The following SDK1 variants were observed in gnomAD, a reference collection of about 807,000 sequenced individuals.
SDK1 encodes sidekick cell adhesion molecule 1.
In SDK1, 157 loss-of-function variants were observed where a neutral mutation model predicts 245.5. The ratio of observed to expected loss-of-function variants is 0.64; its 90% CI spans 0.56 to 0.73. SDK1 has a LOEUF of 0.73. SDK1 is among the 30% of genes least tolerant of loss of function. SDK1 has a pLI of 0.00. For missense variants in SDK1, 3,583 were observed against 3,002.3 expected, an observed-to-expected ratio of 1.19 and a Z score of -4.52; for synonymous variants, 1,647 against 1,278.5, an observed-to-expected ratio of 1.29 and a Z score of -6.15.
chr7:4,057,936 T>C (rs1000104695), intron 19 of SDK1, among the ~76,000 whole-genome samples: 6 of 152,088 alleles, frequency 3.9e-5, no homozygotes, highest in African/African-American at 1.4e-4. Flanking sequence ...TCCAAAAAAT[T>C]AGAAGAAGCA....
intron 5 of SDK1, among the ~76,000 whole-genome samples, chr7:3,829,729 G>A (rs1286437295): frequency 1.3e-5 from 2 of 152,196 alleles, no homozygotes; most frequent in African/African-American, 4.8e-5. Context: ...AGCTCTGTGT[G>A]TGCAGACCTC....
chr7:4,092,731 G>A (rs1041916052), intron 22 of SDK1, among the ~76,000 whole-genome samples: 8 of 152,178 alleles, frequency 5.3e-5, no homozygotes, highest in Non-Finnish European at 8.8e-5. Context: ...GTCTGCTGGG[G>A]CGCCGGGAGG....
intron 22 of SDK1, among the ~76,000 whole-genome samples, chr7:4,110,064 G>A (rs1313469333): frequency 2.0e-5 from 3 of 152,138 alleles, no homozygotes; most frequent in Non-Finnish European, 4.4e-5. Context: ...ACTGCCAGGA[G>A]GCAGTTTCTT....
intron 29 of SDK1, among the ~76,000 whole-genome samples, chr7:4,148,929 A>T (rs1780167007): frequency 6.6e-6 from 1 of 152,068 alleles, no homozygotes; most frequent in East Asian, 1.9e-4. Flanking sequence ...GGTGGTGCAC[A>T]CCTGTAGTCC....
At chr7:3,715,058 T>TTC (rs1476715232) in intron 4 of SDK1, among the ~76,000 whole-genome samples, 1 of 152,202 alleles carries the variant, frequency 6.6e-6, no homozygotes, top group Non-Finnish European at 1.5e-5. Context: ...ATGCCTCAGC[T>TTC]TCTCCAATGA....
intron 17 of SDK1, among the ~76,000 whole-genome samples, chr7:4,021,927 C>T (rs907759639): frequency 1.3e-5 from 2 of 152,194 alleles, no homozygotes; most frequent in Admixed American, 1.3e-4. Flanking sequence ...AGCACAGGTC[C>T]TTCAGGCCAT....
chr7:3,692,003 A>G (rs1784449272), intron 4 of SDK1, among the ~76,000 whole-genome samples: 1 of 152,098 alleles, frequency 6.6e-6, no homozygotes, highest in Non-Finnish European at 1.5e-5. Flanking sequence ...TTACTCATTC[A>G]TGAGTATTCA....
At chr7:3,783,825 C>T (rs1237725009) in intron 4 of SDK1, among the ~76,000 whole-genome samples, 2 of 152,130 alleles carry the variant, frequency 1.3e-5, no homozygotes. Flanking sequence ...AAAACTACAT[C>T]ATTTTTCATA....
intron 4 of SDK1, among the ~76,000 whole-genome samples, chr7:3,700,239 A>G (rs1423390736): frequency 2.0e-5 from 3 of 152,244 alleles, no homozygotes; most frequent in Admixed American, 6.5e-5. Flanking sequence ...ATTTTTATTA[A>G]GATGAGAGTT....
intron 1 of SDK1, among the ~76,000 whole-genome samples, chr7:3,571,506 T>C (rs1412319449): frequency 6.6e-6 from 1 of 151,922 alleles, no homozygotes; most frequent in East Asian, 1.9e-4. Flanking sequence ...GGTCTTGCTG[T>C]GTTGCCCAAG....
intron 1 of SDK1, among the ~76,000 whole-genome samples, chr7:3,567,429 G>A (rs984473236): frequency 6.6e-6 from 1 of 152,196 alleles, no homozygotes; most frequent in Admixed American, 6.5e-5. Flanking sequence ...CTTTCCAAAG[G>A]CTCATCTTAC....
At chr7:3,995,472 G>A (rs1203286241) in intron 14 of SDK1, among the ~76,000 whole-genome samples, 1 of 152,058 alleles carries the variant, frequency 6.6e-6, no homozygotes, top group Non-Finnish European at 1.5e-5. Context: ...CCCTGGGGGC[G>A]CTGACCCCAA....
At chr7:3,805,217 T>G (rs12701171) in intron 4 of SDK1, among the ~76,000 whole-genome samples, 14,356 of 152,312 alleles carry the variant, frequency 0.094, 1,122 homozygotes, top group African/African-American at 0.22. Context: ...TATGTGTATC[T>G]TGTATTCTGA....
chr7:3,353,899 A>C (rs949125481), intron 1 of SDK1, among the ~76,000 whole-genome samples: 4 of 151,750 alleles, frequency 2.6e-5, no homozygotes, highest in African/African-American at 7.3e-5. Flanking sequence ...CTCATCCATG[A>C]GGTTGGAGGT....
chr7:3,982,273 C>T (rs1213604188), intron 13 of SDK1, among the ~76,000 whole-genome samples: 2 of 152,162 alleles, frequency 1.3e-5, no homozygotes, highest in African/African-American at 2.4e-5. Flanking sequence ...AAGAAAAATT[C>T]CTTTGAAAAT....
intron 1 of SDK1, among the ~76,000 whole-genome samples, chr7:3,412,609 G>C (rs1473259176): frequency 2.0e-5 from 3 of 152,200 alleles, no homozygotes; most frequent in Non-Finnish European, 4.4e-5. Flanking sequence ...TCACACATGT[G>C]CAAGTAAAGC....
chr7:4,067,825 T>C lies in SDK1; in HGVS notation c.2912-13T>C, dbSNP rs1779999334. The C allele has an allele frequency of 1.9e-6, 3 of 1,605,116 alleles. No individual in the cohort carries two copies. The highest frequency in any genetic ancestry group is 2.6e-6 in the Non-Finnish European group (3 of 1,174,262). ...CTATTGTGTTAACAGATGACTTTGC[T>C]TTTAATTGGTAGAACCAGGAGCTGT... On this transcript the variant is annotated splice_polypyrimidine_tract_variant and intron_variant, in intron 19 of 44. Transcript: ENST00000404826.
Position 3,889,332 on chromosome 7 carries a change from A to T in SDK1, c.848-61591A>T, listed in dbSNP as rs113889969. 2.9e-3 allele frequency among the ~76,000 whole-genome samples: 435 copies of T among 152,368 alleles called. 1 individual carries two copies. Among genetic ancestry groups the T allele is most frequent in the African/African-American group, 9.9e-3 (410 of 41,592 alleles). ...CATTCTCCCTGTCCTGGCCCCTGGC[A>T]TCCCAGAGTCAGGCCTACAGTTGGG... On this transcript the variant is annotated intron_variant, in intron 5 of 44. Transcript: ENST00000404826.
chr7:3,937,414 T>C (rs1049322731), intron 5 of SDK1, among the ~76,000 whole-genome samples: 2 of 152,154 alleles, frequency 1.3e-5, no homozygotes, highest in South Asian at 4.1e-4. Flanking sequence ...CCAAAGGCCA[T>C]GCGGCAGAAC....
Sources: gnomAD v4.1 joint callset for allele counts (sites outside exome capture counted in the v4.1 genomes callset) on GRCh38, gnomAD v4.1.1 for gene constraint, MANE v1.5 for transcripts, NCBI Gene and HGNC (gene_info 2026-07-23, HGNC 2026-07-21) for gene names.